RUFY1: variants seen among roughly 807,000 people sequenced by gnomAD.
RUFY1 encodes the protein RUN and FYVE domain-containing protein 1.
RUFY1 carries 54 observed loss-of-function variants against 94.6 expected under a neutral mutation model. That is an observed-to-expected ratio of 0.57 (90% confidence interval 0.46 to 0.72). The LOEUF is 0.72. Ranked by LOEUF, RUFY1 falls within the 30% of genes least tolerant of loss-of-function variation. RUFY1 has a pLI of 0.00. For synonymous variants in RUFY1, 396 were observed against 347.3 expected (o/e 1.14, Z -1.56); for missense variants, 883 against 883.9 (o/e 1.00, Z 0.01).
intron 1 of RUFY1, 98 bp from the exon 2 acceptor site, chr5:179,559,927 C>T (rs1293857210): frequency 2.0e-6 from 3 of 1,490,334 alleles, no homozygotes; most frequent in Non-Finnish European, 8.9e-7. Flanking sequence ...AAGCAGACCG[C>T]CTGGCCTCCT....
In RUFY1 at chr5:179,601,468, C is replaced by G. The variant is rs141583131; in HGVS notation, c.1762-424C>G. Among the ~76,000 whole-genome samples the G allele has an allele frequency of 9.5e-3, 1,441 of 152,018 alleles. 28 individuals are homozygous for G. The highest frequency in any genetic ancestry group is 0.031 in the African/African-American group (1,286 of 41,472). Reference sequence around the variant, plus strand: ...ATAGGCATAAGCCACTGTGCCTGGCCACCTTTTGCTCTTGAAAAACATTCT... The same window carrying G: ...ATAGGCATAAGCCACTGTGCCTGGCGACCTTTTGCTCTTGAAAAACATTCT... On this transcript the variant is annotated intron_variant, in intron 14 of 17. Transcript: ENST00000319449.
At chr5:179,568,541 A>C (rs1281090659) in intron 4 of RUFY1, among the ~76,000 whole-genome samples, 1 of 152,218 alleles carries the variant, frequency 6.6e-6, no homozygotes, top group Non-Finnish European at 1.5e-5. Flanking sequence ...CTGAGTAGTT[A>C]CACTGAGTAA....
chr5:179,585,846 ACT>A lies in RUFY1; in HGVS notation c.1009_1010del (p.Ser337LysfsTer28). On this transcript the variant is annotated frameshift_variant, in exon 8 of 18. Coordinates refer to ENST00000319449, the MANE Select transcript of RUFY1 (RefSeq NM_025158.5). LOFTEE classifies it high-confidence loss of function. Reference sequence around the variant, plus strand: ...AAGATAGATGGCTTGGAAAAGACTAACTCAAAGCTTCAAGAAGAGGTTTGTAA... The same window carrying A: ...AAGATAGATGGCTTGGAAAAGACTAACAAAGCTTCAAGAAGAGGTTTGTAA... 6.2e-7 allele frequency: 1 copy of A among 1,613,536 alleles called. No individual in the cohort carries two copies. The highest frequency in any genetic ancestry group is 8.5e-7 in the Non-Finnish European group (1 of 1,179,412).
intron 9 of RUFY1, among the ~76,000 whole-genome samples, chr5:179,591,178 CTTTTT>C (rs1395949065): frequency 1.3e-5 from 2 of 150,602 alleles, no homozygotes; most frequent in South Asian, 4.2e-4. Flanking sequence ...TCTCATTCTT[CTTTTT>C]TTTGTTTTTT....
At chr5:179,573,418 A>G (rs1763368333) in intron 5 of RUFY1, among the ~76,000 whole-genome samples, 2 of 152,352 alleles carry the variant, frequency 1.3e-5, no homozygotes, top group African/African-American at 4.8e-5. Context: ...AATAGTATAC[A>G]TAAAGTATAC....
intron 1 of RUFY1, 59 bp from the exon 2 acceptor site, chr5:179,559,966 G>C: frequency 6.4e-7 from 1 of 1,559,910 alleles, no homozygotes; most frequent in Non-Finnish European, 8.7e-7. Flanking sequence ...CCGTTGCCCG[G>C]AGTCTGACCT....
chr5:179,555,082 G>A (rs1328732201), intron 1 of RUFY1, among the ~76,000 whole-genome samples: 2 of 152,182 alleles, frequency 1.3e-5, no homozygotes, highest in African/African-American at 2.4e-5. Context: ...AACACTGGCT[G>A]TTTTCACGCA....
intron 1 of RUFY1, among the ~76,000 whole-genome samples, chr5:179,555,195 G>A (rs548462059): frequency 2.6e-5 from 4 of 151,282 alleles, no homozygotes; most frequent in Non-Finnish European, 4.4e-5. Flanking sequence ...ACATGCTGGC[G>A]GGGTGCAGGT....
intron 16 of RUFY1, chr5:179,607,156 C>CT: frequency 8.8e-6 from 2 of 228,082 alleles, no homozygotes; most frequent in South Asian, 1.2e-4. Flanking sequence ...CAACAAGTGT[C>CT]TTAGTCTCAC....
At chr5:179,607,733 G>GA in intron 17 of RUFY1, 74 bp downstream of exon 17, 1 of 1,331,202 alleles carries the variant, frequency 7.5e-7, no homozygotes, top group Non-Finnish European at 1.1e-6. Flanking sequence ...TCTGGTTCCA[G>GA]AAGCCCATAT....
chr5:179,602,176 A>G, intron 15 of RUFY1, 190 bp downstream of exon 15: 1 of 572,714 alleles, frequency 1.7e-6, no homozygotes, highest in South Asian at 2.2e-5. Context: ...TGCTACCCAC[A>G]TGGGGTGTCA....
intron 8 of RUFY1, among the ~76,000 whole-genome samples, chr5:179,587,794 G>A (rs1488806818): frequency 1.3e-5 from 2 of 151,824 alleles, no homozygotes; most frequent in African/African-American, 4.8e-5. Context: ...CTCTTTGGGA[G>A]GCCAAGGTGG....
At position 179,580,235 on chromosome 5, in the gene RUFY1, G is replaced by A. The variant is rs1158434097; in HGVS notation, c.891-712G>A. Reference sequence around the variant, plus strand: ...TGTGTGTGTGTGTGTGTGTGTGTGTGTGTGTGTATATTTTTTTTTTTTTTT... The same window carrying A: ...TGTGTGTGTGTGTGTGTGTGTGTGTATGTGTGTATATTTTTTTTTTTTTTT... On this transcript the variant is annotated intron_variant, in intron 6 of 17. Transcript: ENST00000319449. 4.1e-3 allele frequency among the ~76,000 whole-genome samples: 219 copies of A among 53,462 alleles called. 1 individual carries two copies. The highest frequency in any genetic ancestry group is 0.013 in the East Asian group (10 of 776). The allele number at this position is 53,462 out of a possible 152,430, so 35.1% of individuals were successfully genotyped here.
intron 3 of RUFY1, among the ~76,000 whole-genome samples, chr5:179,565,164 CTTTTTTTTTTTTTTTTTTT>C (rs138223106): frequency 2.8e-5 from 2 of 71,926 alleles, no homozygotes; most frequent in Non-Finnish European, 4.9e-5. Context: ...TCTAGGTTTT[CTTTTTTTTTTTTTTTTTTT>C]TTTTTTTTGA....
At chr5:179,604,195 G>A (rs947485390) in intron 15 of RUFY1, among the ~76,000 whole-genome samples, 2 of 152,228 alleles carry the variant, frequency 1.3e-5, no homozygotes, top group South Asian at 2.1e-4. Context: ...AGCATCAGGT[G>A]TTTGCAAACC....
chr5:179,556,036 A>G (rs1762102439), intron 1 of RUFY1, among the ~76,000 whole-genome samples: 1 of 152,078 alleles, frequency 6.6e-6, no homozygotes, highest in African/African-American at 2.4e-5. Context: ...AAGATTATTC[A>G]TCATATTTTA....
chr5:179,579,913 C>T (rs569261298), intron 6 of RUFY1, among the ~76,000 whole-genome samples: 71 of 151,708 alleles, frequency 4.7e-4, no homozygotes, highest in Non-Finnish European at 2.5e-4. Context: ...AGGTGATCTG[C>T]CCACCTCGGC....
chr5:179,582,716 G>A (rs1764258762), intron 7 of RUFY1, among the ~76,000 whole-genome samples: 1 of 151,936 alleles, frequency 6.6e-6, no homozygotes, highest in African/African-American at 2.4e-5. Flanking sequence ...GGTGGTGCGT[G>A]CCTGTAATCC....
chr5:179,597,305 G>A (rs964209658), intron 13 of RUFY1, among the ~76,000 whole-genome samples: 6 of 151,692 alleles, frequency 4.0e-5, no homozygotes, highest in African/African-American at 1.2e-4. Context: ...GCGCGATCTC[G>A]GCTCACTGCA....
Sources: allele counts gnomAD v4.1 joint callset (sites outside exome capture counted in the v4.1 genomes callset), GRCh38; gene constraint gnomAD v4.1.1; transcripts MANE v1.5; gene names NCBI Gene and HGNC (gene_info 2026-07-23, HGNC 2026-07-21).